Variants in TEK observed in about 807,000 individuals in gnomAD.
TEK encodes angiopoietin-1 receptor.
A neutral mutation model predicts 131.8 loss-of-function variants in TEK; 43 were observed. The observed-to-expected ratio is 0.33, with a 90% CI of 0.26 to 0.42. The LOEUF (loss-of-function observed/expected upper bound fraction) is 0.42, where lower values mean the gene tolerates loss of function less well. TEK is among the 10% of genes least tolerant of loss of function. The pLI is 1.00. For synonymous variants in TEK, 580 were observed against 491.6 expected (o/e 1.18, Z -2.38); for missense variants, 1,162 against 1,384.4 (o/e 0.84, Z 2.55).
chr9:27,193,913 C>T (rs548645532), intron 11 of TEK, among the ~76,000 whole-genome samples: 9 of 152,226 alleles, frequency 5.9e-5, no homozygotes, highest in Middle Eastern at 3.4e-3. Flanking sequence ...CTCAAGTCAT[C>T]CTCCCACCTC....
At chr9:27,206,521 T>A in intron 14 of TEK, 61 bp from the exon 15 acceptor site, 1 of 1,538,866 alleles carries the variant, frequency 6.5e-7, no homozygotes, top group Non-Finnish European at 8.9e-7. Context: ...CCAGAAGACA[T>A]TATGCCCCTT....
intron 5 of TEK, among the ~76,000 whole-genome samples, 181 bp downstream of exon 5, chr9:27,172,928 T>TG (rs1481372701): frequency 1.3e-5 from 2 of 152,148 alleles, no homozygotes; most frequent in Non-Finnish European, 2.9e-5. Flanking sequence ...TGCCAACCAC[T>TG]GGAAAGTTAT....
chr9:27,114,981 C>A (rs1232081664), intron 1 of TEK, among the ~76,000 whole-genome samples: 1 of 152,100 alleles, frequency 6.6e-6, no homozygotes, highest in African/African-American at 2.4e-5. Context: ...CATGTACTGT[C>A]CTGGAAACTA....
At chr9:27,177,215 G>A (rs2131158032) in intron 6 of TEK, among the ~76,000 whole-genome samples, 1 of 152,326 alleles carries the variant, frequency 6.6e-6, no homozygotes, top group East Asian at 1.9e-4. Context: ...CCAGAAATGG[G>A]ATTGCTGGAT....
chr9:27,175,577 T>C (rs979474818), intron 6 of TEK, among the ~76,000 whole-genome samples: 1 of 152,126 alleles, frequency 6.6e-6, no homozygotes, highest in Admixed American at 6.5e-5. Flanking sequence ...ACTTCCACAA[T>C]GGTTGAACTA....
Position 27,228,229 on chromosome 9 carries a change from G to T in TEK, c.3224G>T (p.Trp1075Leu), listed in dbSNP as rs1450494405. 6.2e-7 allele frequency: 1 copy of T among 1,612,914 alleles called. No individual in the cohort carries two copies. Among genetic ancestry groups the T allele is most frequent in the Non-Finnish European group, 8.5e-7 (1 of 1,179,138 alleles). Residue 1075 changes from tryptophan to leucine, a missense_variant, in exon 22 of 23, where the codon TGG becomes TTG. Around this residue, in one of 6 missense-constraint regions of TEK, gnomAD observed 84 missense variants for 80.3 expected, o/e 1.05. Transcript: ENST00000380036. ...AGGTATGATCTAATGAGACAATGCT[G>T]GCGGGAGAAGCCTTATGAGAGGCCA... The part of the protein sequence containing the change: ...DEVYDLMRQC[W>L]REKPYERPSF...
intron 21 of TEK, among the ~76,000 whole-genome samples, chr9:27,226,336 G>A (rs1348703845): frequency 6.6e-6 from 1 of 152,196 alleles, no homozygotes; most frequent in African/African-American, 2.4e-5. Context: ...CAACCCAAAT[G>A]CCCATCAATG....
intron 1 of TEK, among the ~76,000 whole-genome samples, chr9:27,133,377 T>C (rs925046936): frequency 1.3e-5 from 2 of 152,250 alleles, no homozygotes; most frequent in African/African-American, 4.8e-5. Context: ...CTTCTGAGTC[T>C]GTCTTTTGCC....
At chr9:27,139,481 T>A (rs925736351) in intron 1 of TEK, among the ~76,000 whole-genome samples, 1 of 151,008 alleles carries the variant, frequency 6.6e-6, no homozygotes, top group African/African-American at 2.4e-5. Flanking sequence ...TGCATCACCA[T>A]GCCCAGCTAA....
chr9:27,154,894 G>A (rs1190898431), intron 1 of TEK, among the ~76,000 whole-genome samples: 1 of 152,090 alleles, frequency 6.6e-6, no homozygotes, highest in Non-Finnish European at 1.5e-5. Context: ...AGGAGCAAGA[G>A]GAAAAAGAAA....
At chr9:27,160,159 A>G (rs1036800403) in intron 2 of TEK, among the ~76,000 whole-genome samples, 3 of 151,696 alleles carry the variant, frequency 2.0e-5, no homozygotes, top group African/African-American at 7.3e-5. Context: ...AGTAGCTGGG[A>G]CTACAGGCAT....
chr9:27,167,847 C>G (rs535060379), intron 2 of TEK, among the ~76,000 whole-genome samples: 2 of 149,736 alleles, frequency 1.3e-5, no homozygotes, highest in South Asian at 4.4e-4. Flanking sequence ...TGGGGAAACT[C>G]AGATTTCATT....
intron 9 of TEK, among the ~76,000 whole-genome samples, chr9:27,189,401 A>G (rs918620309): frequency 2.6e-5 from 4 of 152,202 alleles, no homozygotes; most frequent in Non-Finnish European, 5.9e-5. Flanking sequence ...CTCTTTATGT[A>G]CTATGGCTCT....
At chr9:27,226,572 T>C (rs1193229908) in intron 21 of TEK, among the ~76,000 whole-genome samples, 2 of 150,670 alleles carry the variant, frequency 1.3e-5, no homozygotes, top group Non-Finnish European at 3.0e-5. Context: ...CACACGCCTA[T>C]CGGGGGGTGG....
intron 1 of TEK, 49 bp from the exon 2 acceptor site, chr9:27,157,782 G>A (rs566883657): frequency 6.3e-7 from 1 of 1,597,958 alleles, no homozygotes; most frequent in Non-Finnish European, 8.6e-7. Flanking sequence ...ACCCAATGGG[G>A]TCATGTTAAT....
chr9:27,148,474 C>G (rs1172283010), intron 1 of TEK, among the ~76,000 whole-genome samples: 1 of 152,222 alleles, frequency 6.6e-6, no homozygotes, highest in African/African-American at 2.4e-5. Flanking sequence ...GGATTGGTCT[C>G]TCATCCTCTA....
chr9:27,215,590 G>GTGAT (rs1825795839), intron 18 of TEK, among the ~76,000 whole-genome samples: 1 of 148,944 alleles, frequency 6.7e-6, no homozygotes, highest in South Asian at 2.1e-4. Flanking sequence ...GTTACCCAGG[G>GTGAT]TGATTTTAAT....
intron 5 of TEK, 28 bp downstream of exon 5, chr9:27,172,775 T>C (rs945296623): frequency 2.6e-5 from 42 of 1,612,398 alleles, no homozygotes; most frequent in Non-Finnish European, 3.4e-5. Context: ...ATAAGTAAGC[T>C]GTGGATTTAA....
chr9:27,217,656 A>C, intron 18 of TEK, 32 bp from the exon 19 acceptor site: 4 of 1,607,588 alleles, frequency 2.5e-6, no homozygotes, highest in Non-Finnish European at 3.4e-6. Context: ...ACCCTGTCCC[A>C]GTTAAGTGAA....
Sources: gnomAD v4.1 joint callset for allele counts (sites outside exome capture counted in the v4.1 genomes callset) on GRCh38, gnomAD v4.1.1 for gene constraint, gnomAD v4.1.1 regional missense constraint, MANE v1.5 for transcripts, NCBI Gene and HGNC (gene_info 2026-07-23, HGNC 2026-07-21) for gene names.